Variants in ATP6V1A observed in about 807,000 individuals in gnomAD.
ATP6V1A encodes ATPase H+ transporting V1 subunit A.
ATP6V1A carries 18 observed loss-of-function variants against 70.1 expected under a neutral mutation model. The ratio of observed to expected loss-of-function variants is 0.26; its 90% CI spans 0.18 to 0.38. ATP6V1A has a LOEUF of 0.38. ATP6V1A is among the 10% of genes least tolerant of loss of function. The probability of loss-of-function intolerance (pLI) is 1.00; values close to 1 mark genes in which losing one functional copy is unlikely to be tolerated. For missense variants in ATP6V1A, 424 were observed against 772.4 expected, an observed-to-expected ratio of 0.55 and a Z score of 5.35; for synonymous variants, 232 against 253.8, an observed-to-expected ratio of 0.91 and a Z score of 0.82.
chr3:113,755,706 C>G (rs1169003508), intron 1 of ATP6V1A, among the ~76,000 whole-genome samples: 1 of 152,080 alleles, frequency 6.6e-6, no homozygotes, highest in East Asian at 1.9e-4. Flanking sequence ...ATTTACTCAT[C>G]CAACAATATT....
chr3:113,787,702 A>G (rs1350834002), intron 6 of ATP6V1A, among the ~76,000 whole-genome samples: 1 of 152,250 alleles, frequency 6.6e-6, no homozygotes, highest in African/African-American at 2.4e-5. Flanking sequence ...ATTGTGGTAT[A>G]ATTTTAAAAA....
chr3:113,774,421 C>T (rs1270047226), intron 1 of ATP6V1A, among the ~76,000 whole-genome samples: 1 of 152,188 alleles, frequency 6.6e-6, no homozygotes, highest in Admixed American at 6.5e-5. Context: ...TTAGATTTTA[C>T]AGATGAAACT....
chr3:113,766,146 A>G (rs933073978), intron 1 of ATP6V1A, among the ~76,000 whole-genome samples: 5 of 152,122 alleles, frequency 3.3e-5, no homozygotes, highest in Non-Finnish European at 5.9e-5. Flanking sequence ...AACATTTCTC[A>G]TAGTCTGGAG....
chr3:113,803,722 G>A (rs1709245682), intron 13 of ATP6V1A, 45 bp downstream of exon 13: 1 of 1,489,906 alleles, frequency 6.7e-7, no homozygotes, highest in Non-Finnish European at 9.3e-7. Flanking sequence ...ATTTTCTGTT[G>A]TGTTTTGGTG....
At chr3:113,797,218 TGAGCCACCATGCC>T (rs1709161871) in intron 11 of ATP6V1A, among the ~76,000 whole-genome samples, 1 of 151,272 alleles carries the variant, frequency 6.6e-6, no homozygotes, top group African/African-American at 2.4e-5. Context: ...ATTACAAGCG[TGAGCCACCATGCC>T]TGGCCCAGAA....
chr3:113,755,737 A>AC (rs1189005315), intron 1 of ATP6V1A, among the ~76,000 whole-genome samples: 1 of 152,250 alleles, frequency 6.6e-6, no homozygotes, highest in African/African-American at 2.4e-5. Context: ...TTGAATGGGT[A>AC]ATACATGTAC....
chr3:113,755,450 A>AAT (rs1265631506), intron 1 of ATP6V1A, among the ~76,000 whole-genome samples: 1 of 151,322 alleles, frequency 6.6e-6, no homozygotes, highest in Non-Finnish European at 1.5e-5. Flanking sequence ...AAAAAAAAAA[A>AAT]ATTAGCCAGG....
At chr3:113,795,047 C>G (rs770851493) in intron 9 of ATP6V1A, 43 bp from the exon 10 acceptor site, 14 of 1,613,110 alleles carry the variant, frequency 8.7e-6, no homozygotes, top group Non-Finnish European at 1.2e-5. Flanking sequence ...ATTTTCGGGG[C>G]TGGCTTAGAA....
intron 10 of ATP6V1A, 47 bp downstream of exon 10, chr3:113,795,251 T>G (rs1426533980): frequency 6.3e-7 from 1 of 1,574,894 alleles, no homozygotes; most frequent in East Asian, 2.2e-5. Flanking sequence ...AAGTCACAGA[T>G]GTATTAAAGA....
chr3:113,762,939 G>A (rs986661528), intron 1 of ATP6V1A, among the ~76,000 whole-genome samples: 12 of 152,010 alleles, frequency 7.9e-5, no homozygotes, highest in Non-Finnish European at 1.5e-4. Context: ...TGAGTCAAAA[G>A]GCTTGAACAT....
intron 1 of ATP6V1A, among the ~76,000 whole-genome samples, chr3:113,775,492 A>G (rs1206134892): frequency 6.6e-6 from 1 of 152,188 alleles, no homozygotes; most frequent in African/African-American, 2.4e-5. Context: ...GGCCCCCCCA[A>G]GTGCTGGAAT....
intron 1 of ATP6V1A, among the ~76,000 whole-genome samples, chr3:113,772,285 A>G (rs750510330): frequency 6.6e-6 from 1 of 152,184 alleles, no homozygotes; most frequent in African/African-American, 2.4e-5. Context: ...AGTAATCACT[A>G]TGGGAGTGCT....
At chr3:113,805,697 T>G (rs1266490959) in intron 14 of ATP6V1A, among the ~76,000 whole-genome samples, 172 bp downstream of exon 14, 1 of 152,152 alleles carries the variant, frequency 6.6e-6, no homozygotes, top group African/African-American at 2.4e-5. Context: ...GCCTCCTGAA[T>G]AGCTGGGACG....
intron 1 of ATP6V1A, among the ~76,000 whole-genome samples, chr3:113,751,044 G>A (rs542955084): frequency 2.6e-5 from 4 of 152,206 alleles, no homozygotes; most frequent in South Asian, 2.1e-4. Flanking sequence ...AATCATTAAT[G>A]TATGGAATAA....
chr3:113,785,294 G>A lies in ATP6V1A; in HGVS notation c.564+461G>A, dbSNP rs757347313. ...GTCTCTACTAAAAATACAAAAATTA[G>A]CCAGGCGTGGTGGCGCACGCCTGTA... On this transcript the variant is annotated intron_variant, in intron 5 of 14. Transcript: ENST00000273398. 6.8e-4 allele frequency among the ~76,000 whole-genome samples: 104 copies of A among 152,036 alleles called. 1 individual carries two copies. The highest frequency in any genetic ancestry group is 1.3e-3 in the Non-Finnish European group (85 of 67,972).
At chr3:113,792,552 T>C (rs1243756022) in intron 8 of ATP6V1A, among the ~76,000 whole-genome samples, 1 of 152,204 alleles carries the variant, frequency 6.6e-6, no homozygotes, top group East Asian at 1.9e-4. Flanking sequence ...TTGCCCAGGA[T>C]GGGCAACTTC....
chr3:113,803,418 T>C, intron 12 of ATP6V1A, 165 bp from the exon 13 acceptor site: 1 of 604,664 alleles, frequency 1.7e-6, no homozygotes, highest in Non-Finnish European at 2.9e-6. Context: ...TACATGCCTT[T>C]TAACCACAGT....
chr3:113,756,736 G>A (rs1317228068), intron 1 of ATP6V1A, among the ~76,000 whole-genome samples: 1 of 152,196 alleles, frequency 6.6e-6, no homozygotes, highest in African/African-American at 2.4e-5. Context: ...AATAGATATT[G>A]TTGAAAAAGT....
At chr3:113,793,286 C>G (rs1014566995) in intron 8 of ATP6V1A, among the ~76,000 whole-genome samples, 5 of 152,190 alleles carry the variant, frequency 3.3e-5, no homozygotes, top group African/African-American at 1.2e-4. Flanking sequence ...TGGTCTCGAA[C>G]TCCTGACCTC....
Sources: gnomAD v4.1 joint callset for allele counts (sites outside exome capture counted in the v4.1 genomes callset) on GRCh38, gnomAD v4.1.1 for gene constraint, MANE v1.5 for transcripts, NCBI Gene and HGNC (gene_info 2026-07-23, HGNC 2026-07-21) for gene names.